Variants in RBFOX1 observed in about 807,000 individuals in gnomAD.
RBFOX1 encodes the protein RNA binding fox-1 homolog 1.
Under a neutral mutation model 57.7 loss-of-function variants are expected in RBFOX1, and 8 were observed. That is an observed-to-expected ratio of 0.14 (90% CI 0.08 to 0.25). The LOEUF is 0.25. RBFOX1 is among the 10% of genes least tolerant of loss of function. The pLI is 1.00. For missense variants in RBFOX1, 611 were observed against 548.5 expected (o/e 1.11, Z -1.14); for synonymous variants, 326 against 222.4 (o/e 1.47, Z -4.15).
At chr16:7,105,657 C>G (rs1261060873) in intron 4 of RBFOX1, among the ~76,000 whole-genome samples, 1 of 152,010 alleles carries the variant, frequency 6.6e-6, no homozygotes, top group Non-Finnish European at 1.5e-5. Flanking sequence ...CTTTTTATGG[C>G]TGAGTCATAT....
chr16:7,697,197 C>G (rs1409615391), intron 14 of RBFOX1, among the ~76,000 whole-genome samples: 1 of 152,088 alleles, frequency 6.6e-6, no homozygotes, highest in African/African-American at 2.4e-5. Context: ...AGAGGGGTGA[C>G]AATGGCTTGG....
intron 1 of RBFOX1, among the ~76,000 whole-genome samples, chr16:5,388,813 A>G (rs931492750): frequency 6.6e-6 from 1 of 151,662 alleles, no homozygotes. Flanking sequence ...CTGACCTCAG[A>G]TGATCCACCC....
chr16:5,479,406 G>T (rs540770941), intron 2 of RBFOX1, among the ~76,000 whole-genome samples: 2 of 152,158 alleles, frequency 1.3e-5, no homozygotes, highest in Admixed American at 6.5e-5. Flanking sequence ...GATTCCAAAG[G>T]CTTCCTTTGC....
chr16:6,413,032 A>T (rs1389647266), intron 2 of RBFOX1, among the ~76,000 whole-genome samples: 1 of 152,158 alleles, frequency 6.6e-6, no homozygotes, highest in East Asian at 1.9e-4. Context: ...TTTAAAAAAA[A>T]TTTTTGGCCA....
chr16:6,605,323 A>C (rs556800713), intron 2 of RBFOX1, among the ~76,000 whole-genome samples: 6 of 152,286 alleles, frequency 3.9e-5, no homozygotes, highest in African/African-American at 1.4e-4. Context: ...CCTTCCCAAC[A>C]TGTTAGCTTT....
At chr16:7,308,713 A>T (rs182544876) in intron 4 of RBFOX1, among the ~76,000 whole-genome samples, 277 of 152,326 alleles carry the variant, frequency 1.8e-3, no homozygotes, top group Admixed American at 4.4e-3. Context: ...TTCTGTCTTT[A>T]ATTAGAAAGC....
chr16:6,151,961 A>G (rs1174571553), intron 1 of RBFOX1, among the ~76,000 whole-genome samples: 1 of 152,330 alleles, frequency 6.6e-6, no homozygotes, highest in East Asian at 1.9e-4. Context: ...TAATATAGAC[A>G]ACTCAATAGC....
chr16:7,642,659 T>C (rs2063039458), intron 11 of RBFOX1, among the ~76,000 whole-genome samples: 1 of 152,188 alleles, frequency 6.6e-6, no homozygotes. Context: ...GTATATGCAC[T>C]GGATAAAGTA....
intron 1 of RBFOX1, among the ~76,000 whole-genome samples, chr16:6,145,990 T>C (rs1448031707): frequency 1.3e-5 from 2 of 152,152 alleles, no homozygotes; most frequent in Non-Finnish European, 2.9e-5. Context: ...AAGGCATTTA[T>C]TTGCAAGGTA....
chr16:6,432,857 A>T (rs2094137502), intron 2 of RBFOX1, among the ~76,000 whole-genome samples: 1 of 152,112 alleles, frequency 6.6e-6, no homozygotes, highest in Admixed American at 6.6e-5. Flanking sequence ...GCATGCCTGT[A>T]ATCCCAGCTA....
chr16:6,016,854 G>T (rs867534814), upstream of RBFOX1, among the ~76,000 whole-genome samples: 1 of 152,160 alleles, frequency 6.6e-6, no homozygotes, highest in South Asian at 2.1e-4. Context: ...TTGTGAGAAA[G>T]AAACTAATAC....
intron 2 of RBFOX1, among the ~76,000 whole-genome samples, chr16:6,546,923 C>G (rs773605676): frequency 1.3e-5 from 2 of 152,170 alleles, no homozygotes; most frequent in African/African-American, 2.4e-5. Context: ...TTTTCAAACC[C>G]TTAAATCAAA....
intron 4 of RBFOX1, among the ~76,000 whole-genome samples, chr16:5,951,773 A>G (rs2059524821): frequency 6.8e-6 from 1 of 147,852 alleles, no homozygotes; most frequent in Non-Finnish European, 1.5e-5. Flanking sequence ...TAAAGGACAC[A>G]AGGGATAGAT....
At chr16:7,532,280 G>A (rs1024735577) in intron 5 of RBFOX1, among the ~76,000 whole-genome samples, 5 of 152,016 alleles carry the variant, frequency 3.3e-5, no homozygotes, top group Admixed American at 2.0e-4. Flanking sequence ...GGTTCCAGGC[G>A]GTGACATTCA....
intron 4 of RBFOX1, among the ~76,000 whole-genome samples, chr16:7,292,407 A>G (rs2095806810): frequency 7.2e-6 from 1 of 138,618 alleles, no homozygotes; most frequent in South Asian, 2.1e-4. Context: ...TATGTAATGT[A>G]TTATATTATA....
chr16:5,720,998 T>TA (rs1287883812), intron 3 of RBFOX1, among the ~76,000 whole-genome samples: 1 of 152,230 alleles, frequency 6.6e-6, no homozygotes, highest in Non-Finnish European at 1.5e-5. Flanking sequence ...GGGATTGTGT[T>TA]AAATCTGTAG....
At chr16:6,804,537 A>G (rs1182264203) in intron 3 of RBFOX1, among the ~76,000 whole-genome samples, 2 of 152,160 alleles carry the variant, frequency 1.3e-5, no homozygotes, top group African/African-American at 4.8e-5. Context: ...AAAGAATTCT[A>G]AATTGGACTC....
chr16:5,277,278 T>A (rs1288395994), intron 1 of RBFOX1, among the ~76,000 whole-genome samples: 1 of 150,962 alleles, frequency 6.6e-6, no homozygotes, highest in East Asian at 2.0e-4. Context: ...GGGACGAGAA[T>A]GAAACAGTGG....
Position 6,883,469 on chromosome 16 carries a change from G to A in RBFOX1, c.-15-168588G>A, listed in dbSNP as rs943202350. Among the ~76,000 whole-genome samples the A allele has an allele frequency of 5.3e-5, 8 of 152,284 alleles. No homozygotes were observed. In the East Asian group the frequency reaches 7.7e-4, roughly 15 times the overall value. On this transcript the variant is annotated intron_variant, in intron 3 of 15. Transcript: ENST00000550418. ...AAGATTTTATTTGATTGCACTAGCC[G>A]CTTTCTCTTAGACACCCATCTGCAA...
Sources: allele counts gnomAD v4.1 joint callset (sites outside exome capture counted in the v4.1 genomes callset), GRCh38; gene constraint gnomAD v4.1.1; transcripts MANE v1.5; gene names NCBI Gene and HGNC (gene_info 2026-07-23, HGNC 2026-07-21).